Variants in CSMD2 observed in about 807,000 individuals in gnomAD.
CSMD2 encodes the protein CUB and Sushi multiple domains 2.
CSMD2 carries 130 observed loss-of-function variants against 398.5 expected under a neutral mutation model. That is an observed-to-expected ratio of 0.33 (90% CI 0.28 to 0.38). The LOEUF is 0.38. Ranked by LOEUF, CSMD2 falls within the 10% of genes least tolerant of loss-of-function variation. The probability of loss-of-function intolerance (pLI) is 1.00; values close to 1 mark genes in which losing one functional copy is unlikely to be tolerated. For synonymous variants in CSMD2, 1,828 were observed against 1,908.5 expected (o/e 0.96, Z 1.10); for missense variants, 3,829 against 4,764.9 (o/e 0.80, Z 5.78).
chr1:33,841,031 G>A (rs1024551592), intron 6 of CSMD2, among the ~76,000 whole-genome samples: 5 of 152,212 alleles, frequency 3.3e-5, no homozygotes, highest in African/African-American at 1.2e-4. Flanking sequence ...AAATGCAAAT[G>A]TTTTCAAATG....
intron 28 of CSMD2, among the ~76,000 whole-genome samples, chr1:33,648,230 T>C (rs1427835553): frequency 6.6e-6 from 1 of 151,884 alleles, no homozygotes; most frequent in Non-Finnish European, 1.5e-5. Context: ...GGCGTGGTGG[T>C]GGGCACCTGT....
chr1:33,645,583 A>G (rs1300159913), intron 29 of CSMD2, among the ~76,000 whole-genome samples: 1 of 152,162 alleles, frequency 6.6e-6, no homozygotes, highest in African/African-American at 2.4e-5. Flanking sequence ...GGTCAAAAAG[A>G]GATAATAGCG....
intron 23 of CSMD2, among the ~76,000 whole-genome samples, chr1:33,700,076 T>A (rs1645558697): frequency 6.6e-6 from 1 of 151,924 alleles, no homozygotes; most frequent in Non-Finnish European, 1.5e-5. Context: ...TGGCGCAATC[T>A]CGGCTCACTG....
chr1:33,602,357 C>A lies in CSMD2; in HGVS notation c.6710+12G>T, dbSNP rs756135108. ...CCTTTCTAATTGGCTGTTGACATGGCACCTGGCCTACCAGATGGTGATGAA... is the reference window on the plus strand; with the variant it reads ...CCTTTCTAATTGGCTGTTGACATGGAACCTGGCCTACCAGATGGTGATGAA... On this transcript the variant is annotated intron_variant, in intron 43 of 70. Coordinates refer to ENST00000373381, the MANE Select transcript of CSMD2 (RefSeq NM_001281956.2). The A allele has an allele frequency of 1.2e-6, 2 of 1,613,606 alleles. No homozygotes were observed. Among genetic ancestry groups the A allele is most frequent in the Non-Finnish European group, 1.7e-6 (2 of 1,179,832 alleles).
At position 33,819,531 on chromosome 1, in the gene CSMD2, G is replaced by T. The variant is rs116061035; in HGVS notation, c.1324+182C>A. Among the ~76,000 whole-genome samples, 1,391 of 152,266 alleles carry T rather than the reference G, an allele frequency of 9.1e-3. 15 individuals carry two copies. Among genetic ancestry groups the T allele is most frequent in the African/African-American group, 0.031 (1,292 of 41,538 alleles). The stretch of plus-strand genomic sequence containing the variant: ...CATCTCTGTATCTCCTGATCCTAGC[G>T]CAGGCCTTGATACTGAGAAAGGGCT... On this transcript the variant is annotated intron_variant, in intron 9 of 70. Transcript: ENST00000373381.
chr1:34,090,553 ACTCAGTGAATGGAATCATGC>A lies in CSMD2; in HGVS notation c.188-1380_188-1361del, dbSNP rs1298770318. On this transcript the variant is annotated intron_variant, in intron 1 of 70. Coordinates refer to ENST00000373381, the MANE Select transcript of CSMD2 (RefSeq NM_001281956.2). ...CTCCTCTTCTGTTGCCTACCCCCCA[ACTCAGTGAATGGAATCATGC>A]CTCCATCTCTTTATCTAAGTAAGGC... is the stretch of plus-strand genomic sequence containing the variant. 2.7e-5 allele frequency among the ~76,000 whole-genome samples: 4 copies of A among 148,646 alleles called. No homozygotes were observed. The East Asian group carries it at 8.0e-4, about 30-fold the overall frequency.
chr1:33,554,066 C>G (rs1657722120), intron 55 of CSMD2, among the ~76,000 whole-genome samples: 1 of 151,306 alleles, frequency 6.6e-6, no homozygotes, highest in Admixed American at 6.6e-5. Context: ...CATAAAAGTA[C>G]AAGGTGAAGC....
chr1:33,821,169 A>T (rs1166452588), intron 7 of CSMD2, among the ~76,000 whole-genome samples: 1 of 152,142 alleles, frequency 6.6e-6, no homozygotes, highest in East Asian at 1.9e-4. Context: ...AGTGCCACCC[A>T]TCAAGGGCAC....
chr1:33,728,522 A>G (rs1288501543), intron 15 of CSMD2, among the ~76,000 whole-genome samples: 1 of 152,200 alleles, frequency 6.6e-6, no homozygotes, highest in African/African-American at 2.4e-5. Flanking sequence ...GCATGCATTT[A>G]TGAAGTTATT....
At chr1:33,956,045 T>C (rs1176522831) in intron 3 of CSMD2, among the ~76,000 whole-genome samples, 1 of 152,168 alleles carries the variant, frequency 6.6e-6, no homozygotes, top group East Asian at 1.9e-4. Context: ...AGATCTGAGT[T>C]CAAACCTGGC....
chr1:34,028,008 G>A (rs1205528706), intron 3 of CSMD2, among the ~76,000 whole-genome samples: 1 of 152,162 alleles, frequency 6.6e-6, no homozygotes, highest in Non-Finnish European at 1.5e-5. Context: ...AACTGAAAAT[G>A]CAGGATGCTC....
intron 10 of CSMD2, among the ~76,000 whole-genome samples, chr1:33,808,977 A>AG (rs1360218068): frequency 3.7e-5 from 3 of 80,434 alleles, no homozygotes; most frequent in South Asian, 8.2e-4. Context: ...AATGGAGTCA[A>AG]GAAAAAAAAA....
At chr1:34,084,051 G>C (rs1029785630) in intron 2 of CSMD2, among the ~76,000 whole-genome samples, 8 of 151,968 alleles carry the variant, frequency 5.3e-5, no homozygotes, top group Middle Eastern at 3.2e-3. Context: ...AAATGAATTA[G>C]AATAAGCAGA....
chr1:34,038,457 T>C (rs1322348746), intron 2 of CSMD2, among the ~76,000 whole-genome samples: 1 of 152,242 alleles, frequency 6.6e-6, no homozygotes, highest in Non-Finnish European at 1.5e-5. Flanking sequence ...ATCAGCCTTA[T>C]TGTCTTCTCA....
chr1:33,716,645 G>T (rs1007116074), intron 19 of CSMD2, 144 bp from the exon 20 acceptor site: 2 of 633,162 alleles, frequency 3.2e-6, no homozygotes, highest in East Asian at 2.7e-5. Context: ...AAATCATACA[G>T]GTGAATCTGA....
At position 33,601,866 on chromosome 1, in the gene CSMD2, A is replaced by G. The variant is rs193020935; in HGVS notation, c.6710+503T>C. Among the ~76,000 whole-genome samples, 148 of 152,276 alleles carry G rather than the reference A, an allele frequency of 9.7e-4. 2 individuals are homozygous for G. Among genetic ancestry groups the G allele is most frequent in the Middle Eastern group, 3.4e-3 (1 of 294 alleles). On this transcript the variant is annotated intron_variant, in intron 43 of 70. Coordinates refer to ENST00000373381, the MANE Select transcript of CSMD2 (RefSeq NM_001281956.2). ...ATCAGACCCTCAGTCATATCCAAGT[A>G]CTCTGTAGCCAGTGGCTACCATATT...
At chr1:33,709,677 A>G (rs1249431823) in intron 21 of CSMD2, among the ~76,000 whole-genome samples, 1 of 152,208 alleles carries the variant, frequency 6.6e-6, no homozygotes, top group African/African-American at 2.4e-5. Flanking sequence ...TTTCAGTATC[A>G]CAGAATAGAA....
chr1:33,686,273 C>T (rs952668782), intron 25 of CSMD2, among the ~76,000 whole-genome samples: 1 of 152,222 alleles, frequency 6.6e-6, no homozygotes, highest in African/African-American at 2.4e-5. Flanking sequence ...TCCAGCTCAA[C>T]ACCAGAAGCT....
chr1:33,610,550 AGT>A (rs1487727652), intron 41 of CSMD2, among the ~76,000 whole-genome samples: 3 of 152,142 alleles, frequency 2.0e-5, no homozygotes, highest in Non-Finnish European at 4.4e-5. Context: ...AGCTGTGGTG[AGT>A]GTGGTTGGGC....
Sources: allele counts gnomAD v4.1 joint callset (sites outside exome capture counted in the v4.1 genomes callset), GRCh38; gene constraint gnomAD v4.1.1; transcripts MANE v1.5; gene names NCBI Gene and HGNC (gene_info 2026-07-23, HGNC 2026-07-21).